Variants in ABLIM2 observed in about 807,000 individuals in gnomAD.
ABLIM2 encodes the protein actin binding LIM protein family member 2.
Under a neutral mutation model 97.7 loss-of-function variants are expected in ABLIM2, and 53 were observed. The ratio of observed to expected loss-of-function variants is 0.54; its 90% CI spans 0.44 to 0.68. The LOEUF is 0.68. ABLIM2 is among the 30% of genes least tolerant of loss of function. The pLI is 0.00. For synonymous variants in ABLIM2, 361 were observed against 345.8 expected (o/e 1.04, Z -0.49); for missense variants, 835 against 867.2 (o/e 0.96, Z 0.47).
chr4:7,972,678 G>C (rs1729087837), intron 20 of ABLIM2, among the ~76,000 whole-genome samples: 1 of 152,186 alleles, frequency 6.6e-6, no homozygotes, highest in Non-Finnish European at 1.5e-5. Context: ...CCCCGCCACT[G>C]TCCTGGCCTA....
rs73796391 is a variant in ABLIM2, at chr4:7,987,525, G to A, written c.1681-2632C>T. Among the ~76,000 whole-genome samples, 395 of 152,316 alleles carry A rather than the reference G, an allele frequency of 2.6e-3. 2 individuals carry two copies. Among genetic ancestry groups the A allele is most frequent in the African/African-American group, 7.4e-3 (308 of 41,574 alleles). On this transcript the variant is annotated intron_variant, in intron 17 of 20. Coordinates refer to ENST00000447017, the MANE Select transcript of ABLIM2 (RefSeq NM_001130083.2). ...GTATAAAGCAAGGCAACCAGCCATGGCCTTGTCTTTGCCACCTGGCATGTC... is the reference window on the plus strand; with the variant it reads ...GTATAAAGCAAGGCAACCAGCCATGACCTTGTCTTTGCCACCTGGCATGTC...
chr4:8,028,315 C>A (rs1360136580), intron 11 of ABLIM2, among the ~76,000 whole-genome samples: 1 of 152,228 alleles, frequency 6.6e-6, no homozygotes, highest in Non-Finnish European at 1.5e-5. Flanking sequence ...GGGGATTGAG[C>A]CAGCAAAGGG....
At position 8,061,051 on chromosome 4, in the gene ABLIM2, C is replaced by T. The variant is rs757430763; in HGVS notation, c.679G>A (p.Gly227Arg). 52 of 1,586,298 alleles carry T rather than the reference C, an allele frequency of 3.3e-5. 1 individual carries two copies. Among genetic ancestry groups the T allele is most frequent in the South Asian group, 1.5e-4 (13 of 86,774 alleles). ...KYITGRVLEA[G>R]EKHYHPSCAL... ...CAGGAAGGGTGGTAGTGCTTCTCTC[C>T]GGCCTGTAAGAAAAGCACAAAGCAG... Residue 227 changes from glycine (G) to arginine (R), a missense_variant, in exon 7 of 21, where the codon GGA becomes AGA. Coordinates refer to ENST00000447017, the MANE Select transcript of ABLIM2 (RefSeq NM_001130083.2). This position sits in a 1 kb window ranked among gnomAD's most constrained non-coding sequence, Gnocchi z 4.5.
chr4:8,036,367 G>A (rs746803086), intron 9 of ABLIM2, 72 bp from the exon 10 acceptor site: 38 of 1,547,036 alleles, frequency 2.5e-5, no homozygotes, highest in South Asian at 2.4e-5. Context: ...CCCCAAAGCC[G>A]GATGCATCCC....
intron 2 of ABLIM2, among the ~76,000 whole-genome samples, chr4:8,101,273 G>A (rs1340512238): frequency 2.6e-5 from 4 of 152,230 alleles, no homozygotes; most frequent in African/African-American, 9.6e-5. Context: ...GGGGGATGAG[G>A]CAGACGTCAT....
At chr4:8,017,474 G>C (rs1166858875) in intron 14 of ABLIM2, among the ~76,000 whole-genome samples, 1 of 151,800 alleles carries the variant, frequency 6.6e-6, no homozygotes, top group Non-Finnish European at 1.5e-5. Flanking sequence ...TTTTAGTAGA[G>C]ATGGGGTTTC....
rs192958788 is a variant in ABLIM2 at position 8,015,065 on chromosome 4, C to T, written c.1423+4553G>A. On this transcript the variant is annotated intron_variant, in intron 14 of 20. Transcript: ENST00000447017. The surrounding 1 kb of genome is among the most constrained non-coding windows in gnomAD (Gnocchi z 4.6). The stretch of plus-strand genomic sequence containing the variant: ...CCTCCCGAGTAGCTGGGATTACAGG[C>T]GCCGGCCACCACACTTGGCTAATTT... Among the ~76,000 whole-genome samples, 11 of 152,184 alleles carry T rather than the reference C, an allele frequency of 7.2e-5. No homozygotes were observed. The East Asian group carries it at 1.9e-3, about 27-fold the overall frequency.
intron 20 of ABLIM2, among the ~76,000 whole-genome samples, chr4:7,982,130 G>A (rs113866343): frequency 0.032 from 4,329 of 134,030 alleles, 198 homozygotes; most frequent in African/African-American, 0.11. Flanking sequence ...CTGCATCCAC[G>A]CCCCTCCAAC....
chr4:7,972,394 C>A (rs1198745036), intron 20 of ABLIM2, among the ~76,000 whole-genome samples: 1 of 152,198 alleles, frequency 6.6e-6, no homozygotes, highest in African/African-American at 2.4e-5. Flanking sequence ...TCCCCTCCTC[C>A]TGGAGGCCCT....
rs1360998046 is a variant in ABLIM2, at chr4:8,069,201, T to C, written c.676-8147A>G. Among the ~76,000 whole-genome samples the C allele has an allele frequency of 6.6e-6, 1 of 152,258 alleles. No individual in the cohort carries two copies. On this transcript the variant is annotated intron_variant, in intron 6 of 20. Coordinates refer to ENST00000447017, the MANE Select transcript of ABLIM2 (RefSeq NM_001130083.2). This position sits in a 1 kb window ranked among gnomAD's most constrained non-coding sequence, Gnocchi z 4.2. Reference sequence around the variant, plus strand: ...TTGGCCCAGCGGCCTCATTCTCTGCTGTACCCCGGCGTCCCCTCCAGCAGT... The same window carrying C: ...TTGGCCCAGCGGCCTCATTCTCTGCCGTACCCCGGCGTCCCCTCCAGCAGT...
chr4:8,121,565 C>G (rs1000165474), intron 1 of ABLIM2, among the ~76,000 whole-genome samples: 2 of 152,188 alleles, frequency 1.3e-5, no homozygotes, highest in African/African-American at 4.8e-5. Context: ...GGCGGCCCAG[C>G]CCAGGTCACG....
chr4:7,993,182 C>G (rs918985817), intron 16 of ABLIM2, among the ~76,000 whole-genome samples: 1 of 152,216 alleles, frequency 6.6e-6, no homozygotes, highest in African/African-American at 2.4e-5. Flanking sequence ...CCCAGCTGGC[C>G]CCTGTGTTCA....
intron 10 of ABLIM2, among the ~76,000 whole-genome samples, chr4:8,030,575 C>T (rs143219965): frequency 2.0e-5 from 3 of 152,354 alleles, no homozygotes; most frequent in East Asian, 1.9e-4. Flanking sequence ...CTGTCCCTAA[C>T]GCCTGCCTGG....
chr4:8,029,252 A>C (rs949437082), intron 11 of ABLIM2, among the ~76,000 whole-genome samples: 9 of 152,144 alleles, frequency 5.9e-5, no homozygotes, highest in Non-Finnish European at 1.3e-4. Flanking sequence ...TTCCCAGCTC[A>C]CATCTTCCGA....
intron 8 of ABLIM2, among the ~76,000 whole-genome samples, chr4:8,052,360 G>T (rs542193049): frequency 1.2e-3 from 187 of 152,348 alleles, no homozygotes; most frequent in African/African-American, 4.3e-3. Flanking sequence ...AAGGGCTGCT[G>T]CCTTGCTCAT....
At chr4:8,079,902 T>C (rs1001382946) in intron 5 of ABLIM2, among the ~76,000 whole-genome samples, 5 of 152,112 alleles carry the variant, frequency 3.3e-5, no homozygotes, top group African/African-American at 1.2e-4. Flanking sequence ...CAGAAGACCC[T>C]CTAGCTCCCA....
intron 20 of ABLIM2, among the ~76,000 whole-genome samples, chr4:7,982,732 G>A (rs1383777493): frequency 2.0e-5 from 3 of 152,000 alleles, no homozygotes; most frequent in Non-Finnish European, 4.4e-5. Context: ...TTGAGATGGA[G>A]TCTCTCTGTC....
At chr4:8,133,520 C>T (rs1190246112) in intron 1 of ABLIM2, among the ~76,000 whole-genome samples, 1 of 152,206 alleles carries the variant, frequency 6.6e-6, no homozygotes, top group Non-Finnish European at 1.5e-5. Flanking sequence ...ACTAGCCTCC[C>T]AGTCTCCAGC....
intron 1 of ABLIM2, among the ~76,000 whole-genome samples, chr4:8,142,008 T>G (rs928960093): frequency 1.3e-5 from 2 of 152,190 alleles, no homozygotes; most frequent in East Asian, 3.9e-4. Context: ...GGCCATGTCA[T>G]CCTGGGGCCA....
Sources: gnomAD v4.1 joint callset for allele counts (sites outside exome capture counted in the v4.1 genomes callset) on GRCh38, gnomAD v4.1.1 for gene constraint, Gnocchi (gnomAD v3.1) non-coding constraint, MANE v1.5 for transcripts, NCBI Gene and HGNC (gene_info 2026-07-23, HGNC 2026-07-21) for gene names.